Variants in FAF1 observed in about 807,000 individuals in gnomAD.
FAF1 encodes the protein FAS-associated factor 1.
A neutral mutation model predicts 92.5 loss-of-function variants in FAF1; 25 were observed. The observed-to-expected ratio is 0.27, with a 90% CI of 0.20 to 0.38. The LOEUF is 0.38. FAF1 is among the 10% of genes least tolerant of loss of function. The probability of loss-of-function intolerance (pLI) is 1.00; values close to 1 mark genes in which losing one functional copy is unlikely to be tolerated. For synonymous variants in FAF1, 234 were observed against 273.2 expected (o/e 0.86, Z 1.42); for missense variants, 636 against 793.3 (o/e 0.80, Z 2.38).
At chr1:50,952,498 T>G (rs1284948302) in intron 1 of FAF1, among the ~76,000 whole-genome samples, 1 of 152,224 alleles carries the variant, frequency 6.6e-6, no homozygotes, top group Non-Finnish European at 1.5e-5. Context: ...CCTCCCAAAG[T>G]GCCGAGATTG....
chr1:50,599,700 G>C (rs1383462508), intron 8 of FAF1, among the ~76,000 whole-genome samples: 2 of 152,116 alleles, frequency 1.3e-5, no homozygotes, highest in Admixed American at 6.5e-5. Flanking sequence ...AAGTATAATG[G>C]ATGGGTTGAA....
intron 15 of FAF1, among the ~76,000 whole-genome samples, chr1:50,513,472 C>T (rs751339883): frequency 1.3e-5 from 2 of 151,964 alleles, no homozygotes; most frequent in Non-Finnish European, 2.9e-5. Flanking sequence ...TCTGGGTGAC[C>T]AGAGTGAGAC....
At chr1:50,956,228 T>C (rs926939985) in intron 1 of FAF1, among the ~76,000 whole-genome samples, 6 of 152,190 alleles carry the variant, frequency 3.9e-5, no homozygotes, top group African/African-American at 1.4e-4. Context: ...TGGGGTAATA[T>C]TTGCTTTGTA....
At chr1:50,704,805 T>A (rs1233262685) in intron 7 of FAF1, among the ~76,000 whole-genome samples, 1 of 152,134 alleles carries the variant, frequency 6.6e-6, no homozygotes, top group Non-Finnish European at 1.5e-5. Context: ...AAGCAATGAG[T>A]TATTCATGTC....
chr1:50,806,700 C>G (rs1385473456), intron 2 of FAF1, among the ~76,000 whole-genome samples: 2 of 152,146 alleles, frequency 1.3e-5, no homozygotes, highest in Admixed American at 6.5e-5. Context: ...AGAGTCCAGA[C>G]AAGAATGCCG....
intron 6 of FAF1, among the ~76,000 whole-genome samples, chr1:50,735,208 T>A (rs1194636608): frequency 1.3e-5 from 2 of 152,228 alleles, no homozygotes; most frequent in East Asian, 3.8e-4. Context: ...TGAAACAGTA[T>A]AATTAACAGT....
chr1:50,558,125 C>T (rs1649681978), intron 13 of FAF1, among the ~76,000 whole-genome samples: 1 of 152,002 alleles, frequency 6.6e-6, no homozygotes, highest in Non-Finnish European at 1.5e-5. Flanking sequence ...TCTTGAACTC[C>T]TTGCCTTAAG....
chr1:50,913,233 G>C (rs1644898364), intron 1 of FAF1, among the ~76,000 whole-genome samples: 1 of 152,208 alleles, frequency 6.6e-6, no homozygotes, highest in African/African-American at 2.4e-5. Flanking sequence ...GGACACAGTA[G>C]ATTGTTCAAT....
chr1:50,846,238 A>G (rs1393983386), intron 2 of FAF1, among the ~76,000 whole-genome samples: 1 of 151,938 alleles, frequency 6.6e-6, no homozygotes, highest in Non-Finnish European at 1.5e-5. Context: ...AAAAATTACA[A>G]TGCATACAAA....
chr1:50,700,056 C>T (rs1223636729), intron 7 of FAF1, among the ~76,000 whole-genome samples: 3 of 152,064 alleles, frequency 2.0e-5, no homozygotes, highest in Non-Finnish European at 4.4e-5. Context: ...CTCCAATTGG[C>T]TTTTCATACA....
chr1:50,548,021 T>C (rs1188012664), intron 13 of FAF1, among the ~76,000 whole-genome samples: 1 of 152,204 alleles, frequency 6.6e-6, no homozygotes, highest in African/African-American at 2.4e-5. Context: ...TCTTATCAAA[T>C]GCAGAAATTC....
At chr1:50,619,183 T>C (rs1185171671) in intron 8 of FAF1, among the ~76,000 whole-genome samples, 1 of 152,264 alleles carries the variant, frequency 6.6e-6, no homozygotes, top group Non-Finnish European at 1.5e-5. Context: ...CTTATCTTTT[T>C]ATTCAGTTTG....
At chr1:50,533,236 T>C (rs1009191393) in intron 15 of FAF1, among the ~76,000 whole-genome samples, 29 of 152,046 alleles carry the variant, frequency 1.9e-4, no homozygotes, top group African/African-American at 6.7e-4. Context: ...CACCCCTGGC[T>C]AATTTTTGTA....
At chr1:50,676,641 G>C (rs1195542310) in intron 7 of FAF1, among the ~76,000 whole-genome samples, 1 of 151,992 alleles carries the variant, frequency 6.6e-6, no homozygotes, top group Non-Finnish European at 1.5e-5. Context: ...GGCCAACGTG[G>C]TAAAACCCTG....
At chr1:50,627,317 T>A (rs962893946) in intron 8 of FAF1, among the ~76,000 whole-genome samples, 1 of 152,124 alleles carries the variant, frequency 6.6e-6, no homozygotes, top group Middle Eastern at 3.4e-3. Context: ...GCAAAGGAGA[T>A]AGAAAAGGAG....
intron 1 of FAF1, among the ~76,000 whole-genome samples, chr1:50,903,231 T>G (rs1644810117): frequency 6.6e-6 from 1 of 152,210 alleles, no homozygotes. Flanking sequence ...GTTTATCATC[T>G]TCTCTGCCAG....
intron 1 of FAF1, among the ~76,000 whole-genome samples, chr1:50,932,140 A>G (rs1402104360): frequency 6.6e-6 from 1 of 152,068 alleles, no homozygotes; most frequent in Non-Finnish European, 1.5e-5. Flanking sequence ...ACAGCCAACC[A>G]TATCATTCCA....
chr1:50,752,056 G>A lies in FAF1; in HGVS notation c.368-7281C>T, dbSNP rs553049724. 2.6e-5 allele frequency among the ~76,000 whole-genome samples: 4 copies of A among 152,126 alleles called. No homozygotes were observed. The South Asian group carries it at 6.2e-4, about 24-fold the overall frequency. Reference sequence around the variant, plus strand: ...ACTATCTTGGCTCACTGCAACCTCCGCCTCCCAGGTTCAAGCGATTCTCCT... The same window carrying A: ...ACTATCTTGGCTCACTGCAACCTCCACCTCCCAGGTTCAAGCGATTCTCCT... On this transcript the variant is annotated intron_variant, in intron 4 of 18. Coordinates refer to ENST00000396153, the MANE Select transcript of FAF1 (RefSeq NM_007051.3).
intron 18 of FAF1, among the ~76,000 whole-genome samples, chr1:50,457,525 GAACT>G (rs1646368511): frequency 6.6e-6 from 1 of 152,078 alleles, no homozygotes; most frequent in Non-Finnish European, 1.5e-5. Context: ...ACGGAGCACA[GAACT>G]AACAATTTTT....
Sources: gnomAD v4.1 joint callset for allele counts (sites outside exome capture counted in the v4.1 genomes callset) on GRCh38, gnomAD v4.1.1 for gene constraint, MANE v1.5 for transcripts, NCBI Gene and HGNC (gene_info 2026-07-23, HGNC 2026-07-21) for gene names.